The following SPAG16 variants were observed in gnomAD, a reference collection of about 807,000 sequenced individuals.
SPAG16 encodes sperm-associated antigen 16 protein.
Under a neutral mutation model 80.4 loss-of-function variants are expected in SPAG16, and 86 were observed. That is an observed-to-expected ratio of 1.07 (90% CI 0.90 to 1.28). The LOEUF (loss-of-function observed/expected upper bound fraction) is 1.28. Ranked by LOEUF, SPAG16 falls within the 50% of genes most tolerant of loss-of-function variation. The pLI is 0.00. For missense variants in SPAG16, 870 were observed against 765.3 expected, an observed-to-expected ratio of 1.14 and a Z score of -1.61; for synonymous variants, 294 against 265.9, an observed-to-expected ratio of 1.11 and a Z score of -1.03.
At chr2:213,499,200 C>A (rs190318905) in intron 10 of SPAG16, among the ~76,000 whole-genome samples, 24 of 152,142 alleles carry the variant, frequency 1.6e-4, no homozygotes, top group African/African-American at 5.5e-4. Flanking sequence ...ACCATTATGT[C>A]TGTTACCTCC....
chr2:214,402,120 T>C (rs1701743353), intron 15 of SPAG16, among the ~76,000 whole-genome samples: 1 of 152,024 alleles, frequency 6.6e-6, no homozygotes, highest in Admixed American at 6.6e-5. Flanking sequence ...ATATATTAAC[T>C]AGTGTTGTGA....
intron 12 of SPAG16, among the ~76,000 whole-genome samples, chr2:213,968,868 C>A (rs1454688624): frequency 6.6e-6 from 1 of 152,172 alleles, no homozygotes; most frequent in Non-Finnish European, 1.5e-5. Context: ...GTACATAGCA[C>A]ATATATATTT....
At chr2:214,227,209 T>C (rs2058716261) in intron 15 of SPAG16, among the ~76,000 whole-genome samples, 1 of 152,076 alleles carries the variant, frequency 6.6e-6, no homozygotes, top group Non-Finnish European at 1.5e-5. Context: ...TAATAGTGAT[T>C]ATGGAAATTT....
At chr2:213,628,203 C>T (rs758046929) in intron 10 of SPAG16, among the ~76,000 whole-genome samples, 11 of 152,188 alleles carry the variant, frequency 7.2e-5, no homozygotes, top group Non-Finnish European at 1.6e-4. Context: ...CCTTTCTCAG[C>T]AACTAGATTT....
chr2:214,126,555 T>A (rs1456666839), intron 14 of SPAG16, among the ~76,000 whole-genome samples: 1 of 151,770 alleles, frequency 6.6e-6, no homozygotes, highest in African/African-American at 2.4e-5. Flanking sequence ...GGAACTTCTC[T>A]GAATTTATGT....
Position 213,340,610 on chromosome 2 carries a change from C to T in SPAG16, c.644+340C>T, listed in dbSNP as rs1267313955. Among the ~76,000 whole-genome samples, 5 of 151,962 alleles carry T rather than the reference C, an allele frequency of 3.3e-5. No individual in the cohort carries two copies. The South Asian group carries it at 6.2e-4, about 19-fold the overall frequency. ...GAGTAGACAGTGAGGAAGTGGGGTC[C>T]GCACAGTGCTCTTTGCAGATAGTAC... On this transcript the variant is annotated intron_variant, in intron 6 of 15. Coordinates refer to ENST00000331683, the MANE Select transcript of SPAG16 (RefSeq NM_024532.5).
intron 15 of SPAG16, among the ~76,000 whole-genome samples, chr2:214,310,758 C>T (rs1445850660): frequency 6.6e-6 from 1 of 152,190 alleles, no homozygotes; most frequent in Non-Finnish European, 1.5e-5. Flanking sequence ...CCTTTATCTC[C>T]AGGCCACAAT....
At chr2:213,589,659 C>T (rs1402109346) in intron 10 of SPAG16, among the ~76,000 whole-genome samples, 5 of 152,148 alleles carry the variant, frequency 3.3e-5, no homozygotes, top group Non-Finnish European at 7.3e-5. Flanking sequence ...TGATGGCTCA[C>T]ACCTGTAATC....
chr2:213,914,007 C>G (rs1181697949), intron 11 of SPAG16, among the ~76,000 whole-genome samples: 1 of 151,956 alleles, frequency 6.6e-6, no homozygotes, highest in Admixed American at 6.6e-5. Context: ...TTTATTTCAC[C>G]TAAAACATAC....
At chr2:214,279,431 G>A (rs1370575073) in intron 15 of SPAG16, among the ~76,000 whole-genome samples, 3 of 152,158 alleles carry the variant, frequency 2.0e-5, no homozygotes, top group Non-Finnish European at 2.9e-5. Flanking sequence ...GAAAAACACA[G>A]TGCTACATTT....
At chr2:214,137,504 G>A (rs1411515013) in intron 14 of SPAG16, among the ~76,000 whole-genome samples, 2 of 151,932 alleles carry the variant, frequency 1.3e-5, no homozygotes, top group African/African-American at 4.8e-5. Flanking sequence ...ATAGTGTGAG[G>A]AACATCTATG....
At chr2:214,396,978 G>A (rs1701427637) in intron 15 of SPAG16, among the ~76,000 whole-genome samples, 1 of 151,520 alleles carries the variant, frequency 6.6e-6, no homozygotes, top group Non-Finnish European at 1.5e-5. Flanking sequence ...TATACTGTAT[G>A]TTTCTAATTT....
In SPAG16 at chr2:214,378,320, T is replaced by C. The variant is rs922557304; in HGVS notation, c.1721-31820T>C. The stretch of plus-strand genomic sequence containing the variant: ...TCAAATGGCAGGAAACTCAAACTGG[T>C]TTAAATAATAGGATAGCAAGAAGAT... On this transcript the variant is annotated intron_variant, in intron 15 of 15. Coordinates refer to ENST00000331683, the MANE Select transcript of SPAG16 (RefSeq NM_024532.5). 7.2e-5 allele frequency among the ~76,000 whole-genome samples: 11 copies of C among 152,130 alleles called. No homozygotes were observed. The South Asian group carries it at 2.1e-3, about 29-fold the overall frequency.
intron 10 of SPAG16, among the ~76,000 whole-genome samples, chr2:213,785,609 G>T (rs2070288770): frequency 1.3e-5 from 2 of 152,100 alleles, no homozygotes; most frequent in Non-Finnish European, 2.9e-5. Flanking sequence ...TTTCTGCTTT[G>T]CAGAGTATTC....
At chr2:214,149,632 T>C (rs1173330356) in intron 15 of SPAG16, among the ~76,000 whole-genome samples, 1 of 152,070 alleles carries the variant, frequency 6.6e-6, no homozygotes, top group Non-Finnish European at 1.5e-5. Context: ...AACAAAAGTT[T>C]AGCAAAAATG....
At chr2:214,006,070 G>A (rs1006091550) in intron 12 of SPAG16, among the ~76,000 whole-genome samples, 2 of 152,068 alleles carry the variant, frequency 1.3e-5, no homozygotes, top group African/African-American at 4.8e-5. Context: ...GGTTAATATG[G>A]TAATGAATTC....
At chr2:213,889,258 T>C (rs1364013415) in intron 11 of SPAG16, among the ~76,000 whole-genome samples, 1 of 151,918 alleles carries the variant, frequency 6.6e-6, no homozygotes, top group African/African-American at 2.4e-5. Context: ...AATCACCTTC[T>C]ATATAGTGTA....
chr2:214,112,098 A>G (rs905416526), intron 14 of SPAG16, among the ~76,000 whole-genome samples: 1 of 152,126 alleles, frequency 6.6e-6, no homozygotes, highest in Admixed American at 6.6e-5. Context: ...CAGGTTGTTC[A>G]GTTTCCATGT....
chr2:213,333,995 GC>G (rs2064227638), intron 5 of SPAG16, among the ~76,000 whole-genome samples: 1 of 152,072 alleles, frequency 6.6e-6, no homozygotes, highest in African/African-American at 2.4e-5. Context: ...AAAAGCTTCT[GC>G]ATAGAAAAGG....
Sources: allele counts gnomAD v4.1 joint callset (sites outside exome capture counted in the v4.1 genomes callset), GRCh38; gene constraint gnomAD v4.1.1; transcripts MANE v1.5; gene names NCBI Gene and HGNC (gene_info 2026-07-23, HGNC 2026-07-21).